ADAMTS17: variants seen among roughly 807,000 people sequenced by gnomAD.
The protein encoded by ADAMTS17 is A disintegrin and metalloproteinase with thrombospondin motifs 17.
Under a neutral mutation model 141.5 loss-of-function variants are expected in ADAMTS17, and 113 were observed. The ratio of observed to expected loss-of-function variants is 0.80; its 90% CI spans 0.69 to 0.93. The LOEUF (loss-of-function observed/expected upper bound fraction) is 0.93. ADAMTS17 is among the 40% of genes least tolerant of loss of function. The pLI is 0.00. For synonymous variants in ADAMTS17, 768 were observed against 630.6 expected (o/e 1.22, Z -3.27); for missense variants, 1,659 against 1,517.9 (o/e 1.09, Z -1.54).
In ADAMTS17 at chr15:100,182,943, T is replaced by A. The variant is rs538005751; in HGVS notation, c.1181+16375A>T. ...TTTTCGGACTTTATTTCTTCAAATA[T>A]TTTTTCCAGTGCCACAATCTTTATC... is the stretch of plus-strand genomic sequence containing the variant. On this transcript the variant is annotated intron_variant, in intron 8 of 21. Coordinates refer to ENST00000268070, the MANE Select transcript of ADAMTS17 (RefSeq NM_139057.4). 2.9e-3 allele frequency among the ~76,000 whole-genome samples: 446 copies of A among 152,318 alleles called. 2 individuals carry two copies. The highest frequency in any genetic ancestry group is 0.01 in the African/African-American group (424 of 41,570).
At chr15:100,197,362 C>G (rs1020184101) in intron 8 of ADAMTS17, among the ~76,000 whole-genome samples, 1 of 152,180 alleles carries the variant, frequency 6.6e-6, no homozygotes, top group South Asian at 2.1e-4. Context: ...ACTCTGACAT[C>G]CTGCATTCTC....
intron 3 of ADAMTS17, among the ~76,000 whole-genome samples, chr15:100,294,799 T>C (rs1231729567): frequency 6.6e-6 from 1 of 152,156 alleles, no homozygotes; most frequent in Non-Finnish European, 1.5e-5. Flanking sequence ...AGAAACATGA[T>C]AAAACAAAAT....
intron 15 of ADAMTS17, among the ~76,000 whole-genome samples, chr15:100,087,993 G>A (rs1385125452): frequency 1.3e-5 from 2 of 152,116 alleles, no homozygotes; most frequent in Non-Finnish European, 2.9e-5. Context: ...GGCCAGGGCA[G>A]TCAGGCAGGA....
At chr15:100,195,775 C>T (rs908443829) in intron 8 of ADAMTS17, among the ~76,000 whole-genome samples, 6 of 152,126 alleles carry the variant, frequency 3.9e-5, no homozygotes, top group African/African-American at 1.4e-4. Context: ...ACATTTACTT[C>T]CCTTAAACTG....
At position 99,974,526 on chromosome 15, in the gene ADAMTS17, G is replaced by A. The variant is rs371570653; in HGVS notation, c.3164C>T (p.Thr1055Met). ...TTCTCGGATGACCCGGCAATATACC[G>A]TCCACTGGTCTCGTGTGCATTTGTA... is the stretch of plus-strand genomic sequence containing the variant. Reference protein sequence around the residue: ...LTYKCTRDQWTVYCRVIREKN... With the variant: ...LTYKCTRDQWMVYCRVIREKN... The change falls in exon 22 of 22, where the codon ACG becomes ATG. Residue 1055 changes from threonine to methionine, a missense_variant. By Grantham distance (81) the Thr-to-Met change is moderately conservative. Transcript: ENST00000268070. 183 of 1,614,248 alleles carry A rather than the reference G, an allele frequency of 1.1e-4. 1 individual carries two copies. The highest frequency in any genetic ancestry group is 4.9e-4 in the East Asian group (22 of 44,886).
chr15:100,010,783 A>G (rs1331861397), intron 18 of ADAMTS17, among the ~76,000 whole-genome samples: 1 of 152,208 alleles, frequency 6.6e-6, no homozygotes, highest in Non-Finnish European at 1.5e-5. Flanking sequence ...CTGGGACTTT[A>G]CTAGCTGGGC....
At chr15:100,054,178 G>C in intron 15 of ADAMTS17, 124 bp from the exon 16 acceptor site, 1 of 1,121,152 alleles carries the variant, frequency 8.9e-7, no homozygotes, top group South Asian at 1.3e-5. Context: ...GGGAAGGAGG[G>C]AGGCCTGAAG....
In ADAMTS17 at chr15:100,113,744, G is replaced by A. The variant is rs115909659; in HGVS notation, c.1888+3103C>T. Among the ~76,000 whole-genome samples, 549 of 152,306 alleles carry A rather than the reference G, an allele frequency of 3.6e-3. 2 individuals carry two copies. The highest frequency in any genetic ancestry group is 0.012 in the African/African-American group (513 of 41,556). ...ACAGCTTCCCTCCTTTTCATTAAGC[G>A]GCCCCAGCTGGCTTGGCGGAGCTGT... On this transcript the variant is annotated intron_variant, in intron 13 of 21. Transcript: ENST00000268070.
Position 99,995,773 on chromosome 15 carries a change from C to T in ADAMTS17, c.2796+1612G>A, listed in dbSNP as rs529943900. 6.6e-5 allele frequency among the ~76,000 whole-genome samples: 10 copies of T among 152,308 alleles called. No individual in the cohort carries two copies. In the East Asian group the frequency reaches 1.5e-3, roughly 24 times the overall value. On this transcript the variant is annotated intron_variant, in intron 19 of 21. Transcript: ENST00000268070. ...GGAAGCGGCAGAAGTACCAGCTTCG[C>T]GAGCTTCCCATGGGGAATGATTTGA...
At chr15:100,210,573 G>C (rs757831041) in intron 7 of ADAMTS17, among the ~76,000 whole-genome samples, 3 of 152,198 alleles carry the variant, frequency 2.0e-5, no homozygotes, top group Non-Finnish European at 2.9e-5. Context: ...ATCAGAGACC[G>C]CAAGCTGGCA....
intron 3 of ADAMTS17, among the ~76,000 whole-genome samples, chr15:100,308,110 CA>C (rs1382243639): frequency 6.6e-6 from 1 of 152,164 alleles, no homozygotes; most frequent in African/African-American, 2.4e-5. Context: ...CTTTTTAAAA[CA>C]ACTTTTCAAT....
At chr15:100,288,336 T>C (rs558796821) in intron 3 of ADAMTS17, among the ~76,000 whole-genome samples, 133 of 152,306 alleles carry the variant, frequency 8.7e-4, no homozygotes, top group Non-Finnish European at 1.7e-3. Context: ...TCCAAATATA[T>C]ATGCACCCAA....
chr15:100,046,380 C>T (rs939967905), intron 18 of ADAMTS17, among the ~76,000 whole-genome samples: 2 of 152,168 alleles, frequency 1.3e-5, no homozygotes, highest in Admixed American at 6.5e-5. Context: ...GACTGGCCCA[C>T]TCTGCCACAT....
At chr15:100,068,915 G>C (rs539152553) in intron 15 of ADAMTS17, among the ~76,000 whole-genome samples, 1 of 152,318 alleles carries the variant, frequency 6.6e-6, no homozygotes, top group Non-Finnish European at 1.5e-5. Context: ...TAAGCTGAGA[G>C]AAGAAGGCTT....
At position 99,997,208 on chromosome 15, in the gene ADAMTS17, A is replaced by G. The variant is rs992498700; in HGVS notation, c.2796+177T>C. Reference sequence around the variant, plus strand: ...GTACATCATCAGAGACATGGTATCTATGTTTCCGCAGCCAGGCTGTTATCT... The same window carrying G: ...GTACATCATCAGAGACATGGTATCTGTGTTTCCGCAGCCAGGCTGTTATCT... On this transcript the variant is annotated intron_variant, in intron 19 of 21. Transcript: ENST00000268070. The surrounding 1 kb of genome is among the most constrained non-coding windows in gnomAD (Gnocchi z 4.7). 2.0e-5 allele frequency among the ~76,000 whole-genome samples: 3 copies of G among 152,240 alleles called. No individual in the cohort carries two copies. The East Asian group carries it at 5.8e-4, about 29-fold the overall frequency.
At chr15:100,339,067 G>C in intron 2 of ADAMTS17, 2 of 985,486 alleles carry the variant, frequency 2.0e-6, no homozygotes, top group Non-Finnish European at 2.4e-6. Context: ...CAACAGAAGT[G>C]TCTGCTCCGG....
chr15:100,220,217 C>T (rs1473709788), intron 7 of ADAMTS17, among the ~76,000 whole-genome samples: 1 of 152,178 alleles, frequency 6.6e-6, no homozygotes, highest in Non-Finnish European at 1.5e-5. Flanking sequence ...CACTCCCCAG[C>T]AAGGGTCAGA....
intron 20 of ADAMTS17, among the ~76,000 whole-genome samples, chr15:99,989,143 C>T (rs755251803): frequency 2.6e-5 from 4 of 152,224 alleles, no homozygotes; most frequent in Admixed American, 6.5e-5. Flanking sequence ...TGGACTCTGC[C>T]GGGGGGTGTG....
At chr15:99,977,398 AT>A (rs1567632575) in intron 20 of ADAMTS17, among the ~76,000 whole-genome samples, 1 of 4,540 alleles carries the variant, frequency 2.2e-4, no homozygotes, top group Non-Finnish European at 4.6e-4. Context: ...ATATATATAT[AT>A]AATTTTTTTT....
Sources: gnomAD v4.1 joint callset for allele counts (sites outside exome capture counted in the v4.1 genomes callset) on GRCh38, gnomAD v4.1.1 for gene constraint, Gnocchi (gnomAD v3.1) non-coding constraint, MANE v1.5 for transcripts, NCBI Gene and HGNC (gene_info 2026-07-23, HGNC 2026-07-21) for gene names.